TBC1D5: variants seen among roughly 807,000 people sequenced by gnomAD.
TBC1D5 encodes the protein TBC1 domain family, member 5.
In TBC1D5, 75 loss-of-function variants were observed where a neutral mutation model predicts 100.3. The observed-to-expected ratio is 0.75, with a 90% confidence interval of 0.62 to 0.91. The LOEUF (loss-of-function observed/expected upper bound fraction) is 0.91, where lower values mean the gene tolerates loss of function less well. Among genes scored for constraint, TBC1D5 ranks in the 40% least tolerant of loss-of-function variants. TBC1D5 has a pLI of 0.00. For missense variants in TBC1D5, 910 were observed against 942.4 expected, an observed-to-expected ratio of 0.97 and a Z score of 0.45; for synonymous variants, 323 against 325.6, an observed-to-expected ratio of 0.99 and a Z score of 0.09.
intron 4 of TBC1D5, among the ~76,000 whole-genome samples, chr3:17,410,432 G>A (rs562509887): frequency 3.9e-5 from 6 of 152,258 alleles, no homozygotes; most frequent in Non-Finnish European, 8.8e-5. Context: ...CCCATGAAGT[G>A]GGGAGTCATT....
intron 2 of TBC1D5, among the ~76,000 whole-genome samples, chr3:17,562,430 G>C (rs1184450551): frequency 6.6e-6 from 1 of 151,480 alleles, no homozygotes; most frequent in Admixed American, 6.6e-5. Context: ...ATTATAATTT[G>C]CACCTAATAG....
chr3:17,717,953 T>C (rs1455874019), intron 1 of TBC1D5, among the ~76,000 whole-genome samples: 1 of 152,184 alleles, frequency 6.6e-6, no homozygotes, highest in Non-Finnish European at 1.5e-5. Context: ...ACTAGAATAC[T>C]GCTCTAGAAT....
intron 2 of TBC1D5, among the ~76,000 whole-genome samples, chr3:17,598,906 T>C (rs1329180814): frequency 6.6e-6 from 1 of 152,186 alleles, no homozygotes; most frequent in African/African-American, 2.4e-5. Context: ...AAATCTAAAC[T>C]GGATTTCAAA....
chr3:17,441,263 T>C (rs971728061), intron 3 of TBC1D5, among the ~76,000 whole-genome samples: 6 of 152,212 alleles, frequency 3.9e-5, no homozygotes, highest in East Asian at 1.9e-4. Context: ...TAGTGAACTA[T>C]AGTATTACAG....
chr3:17,562,096 AT>A (rs1277273998), intron 2 of TBC1D5: 5 of 152,118 alleles, frequency 3.3e-5, no homozygotes, highest in African/African-American at 9.7e-5. Context: ...ATGGGCTATG[AT>A]TGTGCCACTA....
intron 2 of TBC1D5, among the ~76,000 whole-genome samples, chr3:17,528,582 T>C (rs2096172768): frequency 6.6e-6 from 1 of 152,172 alleles, no homozygotes; most frequent in Admixed American, 6.5e-5. Context: ...GACAACTCCT[T>C]ATACAAAACT....
chr3:17,328,579 C>G (rs2086477836), intron 13 of TBC1D5, among the ~76,000 whole-genome samples: 2 of 152,194 alleles, frequency 1.3e-5, no homozygotes. Flanking sequence ...TACAGTATTC[C>G]TCCTTCCTTA....
intron 15 of TBC1D5, among the ~76,000 whole-genome samples, chr3:17,281,053 C>T (rs532922255): frequency 6.6e-6 from 1 of 152,318 alleles, no homozygotes; most frequent in Non-Finnish European, 1.5e-5. Flanking sequence ...TTTGCCTCTG[C>T]CGGTGCCAAA....
intron 2 of TBC1D5, among the ~76,000 whole-genome samples, chr3:17,560,444 AC>A (rs1411974535): frequency 6.6e-6 from 1 of 151,904 alleles, no homozygotes; most frequent in African/African-American, 2.4e-5. Flanking sequence ...AAAGTGAGAC[AC>A]CCTGTCTCTA....
chr3:17,336,065 CTA>C (rs1559658311), intron 13 of TBC1D5, among the ~76,000 whole-genome samples: 1 of 152,034 alleles, frequency 6.6e-6, no homozygotes, highest in African/African-American at 2.4e-5. Flanking sequence ...CAGTGTACGT[CTA>C]GTGACATATT....
chr3:17,479,629 G>A (rs1576256382), intron 3 of TBC1D5, among the ~76,000 whole-genome samples: 1 of 152,068 alleles, frequency 6.6e-6, no homozygotes, highest in Non-Finnish European at 1.5e-5. Context: ...TGGAGCCCAG[G>A]AATTTGAGAC....
chr3:17,665,309 T>G (rs1319864396), intron 1 of TBC1D5, among the ~76,000 whole-genome samples: 3 of 152,218 alleles, frequency 2.0e-5, no homozygotes, highest in Non-Finnish European at 4.4e-5. Context: ...GTAGTAGAAC[T>G]GAAGTGTCTT....
At chr3:17,206,849 A>G (rs190177278) in intron 18 of TBC1D5, among the ~76,000 whole-genome samples, 2 of 152,374 alleles carry the variant, frequency 1.3e-5, no homozygotes, top group East Asian at 1.9e-4. Flanking sequence ...GCAGTTTATC[A>G]GGAAATTTAC....
chr3:17,563,887 A>C (rs2096575852), intron 2 of TBC1D5, among the ~76,000 whole-genome samples: 1 of 152,164 alleles, frequency 6.6e-6, no homozygotes, highest in African/African-American at 2.4e-5. Flanking sequence ...GCTTCACGCC[A>C]TTCTCCTGCC....
intron 17 of TBC1D5, among the ~76,000 whole-genome samples, chr3:17,226,921 T>C (rs901988106): frequency 3.9e-5 from 6 of 152,208 alleles, no homozygotes; most frequent in African/African-American, 9.7e-5. Flanking sequence ...TGCATGTATG[T>C]AGTCTTTCAT....
At chr3:17,241,224 T>C (rs2076283370) in intron 16 of TBC1D5, among the ~76,000 whole-genome samples, 1 of 152,204 alleles carries the variant, frequency 6.6e-6, no homozygotes, top group African/African-American at 2.4e-5. Flanking sequence ...AACTGAAATA[T>C]GAGCAGCAGA....
intron 19 of TBC1D5, among the ~76,000 whole-genome samples, chr3:17,168,756 C>G (rs1419601182): frequency 6.6e-6 from 1 of 151,916 alleles, no homozygotes; most frequent in Non-Finnish European, 1.5e-5. Flanking sequence ...GTATGTTCAC[C>G]CTCCATTAAC....
intron 18 of TBC1D5, among the ~76,000 whole-genome samples, chr3:17,191,526 T>C (rs963427067): frequency 1.3e-5 from 2 of 152,220 alleles, no homozygotes; most frequent in African/African-American, 4.8e-5. Context: ...CATATGGGCA[T>C]AGGCACCTCA....
At chr3:17,581,981 C>T (rs776385968) in intron 2 of TBC1D5, among the ~76,000 whole-genome samples, 24 of 152,168 alleles carry the variant, frequency 1.6e-4, no homozygotes, top group Non-Finnish European at 2.6e-4. Context: ...CAGGTCTTTA[C>T]TCACATGTTA....
Sources: gnomAD v4.1 joint callset for allele counts (sites outside exome capture counted in the v4.1 genomes callset) on GRCh38, gnomAD v4.1.1 for gene constraint, MANE v1.5 for transcripts, NCBI Gene and HGNC (gene_info 2026-07-23, HGNC 2026-07-21) for gene names.